The following MKLN1 variants were observed in gnomAD, a reference collection of about 807,000 sequenced individuals.
The protein encoded by MKLN1 is muskelin.
MKLN1 carries 18 observed loss-of-function variants against 99.0 expected under a neutral mutation model. The ratio of observed to expected loss-of-function variants is 0.18; its 90% confidence interval spans 0.13 to 0.27. MKLN1 has a LOEUF of 0.27. MKLN1 is among the 10% of genes least tolerant of loss of function. The pLI, the probability that MKLN1 is intolerant of heterozygous loss-of-function variation, is 1.00. For synonymous variants in MKLN1, 288 were observed against 293.2 expected, an observed-to-expected ratio of 0.98 and a Z score of 0.18; for missense variants, 621 against 875.9, an observed-to-expected ratio of 0.71 and a Z score of 3.67.
chr7:131,419,259 T>TTC (rs1795121314), intron 8 of MKLN1, among the ~76,000 whole-genome samples: 1 of 143,450 alleles, frequency 7.0e-6, no homozygotes, highest in Non-Finnish European at 1.5e-5. Context: ...TTTGTTTTTT[T>TTC]TTTTTTTTTG....
At position 131,494,630 on chromosome 7, in the gene MKLN1, C is replaced by G. The variant is rs1465683626; in HGVS notation, c.*6902C>G. The G allele has an allele frequency of 6.6e-6, 1 of 151,850 alleles. No homozygotes were observed. Among genetic ancestry groups the G allele is most frequent in the East Asian group, 1.9e-4 (1 of 5,176 alleles). The allele number at this position is 151,850 out of a possible 1,614,324, so 9.4% of individuals were successfully genotyped here. On this transcript the variant is annotated 3_prime_UTR_variant, in exon 18 of 18. Coordinates refer to ENST00000352689, the MANE Select transcript of MKLN1 (RefSeq NM_013255.5). ...AAAAAAAATTATTTTGGTGACTGATCAATTGTAAACAATTTTCTTCCTTAC... is the reference window on the plus strand; with the variant it reads ...AAAAAAAATTATTTTGGTGACTGATGAATTGTAAACAATTTTCTTCCTTAC...
rs1794864346 is a variant in MKLN1, at chr7:131,411,229, T to G, written c.704-77T>G. The G allele has an allele frequency of 3.4e-6, 3 of 870,598 alleles. No individual in the cohort carries two copies. The East Asian group carries it at 8.3e-5, about 24-fold the overall frequency. 53.9% of individuals were successfully genotyped at this position (870,598 alleles called of 1,614,324 possible). On this transcript the variant is annotated intron_variant, in intron 6 of 17. Transcript: ENST00000352689. Reference sequence around the variant, plus strand: ...AGTAATTTCTTTTAATGTAGCCTTTTAAATTTTAATTTTTTTCTATAATAA... The same window carrying G: ...AGTAATTTCTTTTAATGTAGCCTTTGAAATTTTAATTTTTTTCTATAATAA...
At chr7:131,371,820 TA>T (rs1241813311) in intron 1 of MKLN1, among the ~76,000 whole-genome samples, 1 of 151,622 alleles carries the variant, frequency 6.6e-6, no homozygotes, top group East Asian at 1.9e-4. Flanking sequence ...GTTAATCTCC[TA>T]TTTTTAGAAT....
Position 131,275,563 on chromosome 7 carries a change from ATATATTTTTTTTTTTT to A in MKLN1, c.-179+72591_-179+72606del, listed in dbSNP as rs1400377345. Among the ~76,000 whole-genome samples, 4 of 9,048 alleles carry A rather than the reference ATATATTTTTTTTTTTT, an allele frequency of 4.4e-4. No homozygotes were observed. In the East Asian group the frequency reaches 0.02, roughly 46 times the overall value. 5.9% of individuals were successfully genotyped at this position (9,048 alleles called of 152,430 possible). ...TATATATATATATATATATATATAT[ATATATTTTTTTTTTTT>A]TTTTTTTTTTTTTGGTACTTTTTTG... is the stretch of plus-strand genomic sequence containing the variant. On this transcript the variant is annotated intron_variant, in intron 3 of 7. Coordinates refer to the MKLN1 transcript ENST00000416992.
chr7:131,412,666 G>T (rs771559956), intron 7 of MKLN1, among the ~76,000 whole-genome samples: 1 of 152,124 alleles, frequency 6.6e-6, no homozygotes, highest in East Asian at 1.9e-4. Context: ...TTCATATAAG[G>T]GGGGAGGTTT....
At chr7:131,283,201 C>T (rs1288822710) in intron 3 of MKLN1, among the ~76,000 whole-genome samples, 1 of 152,182 alleles carries the variant, frequency 6.6e-6, no homozygotes, top group Non-Finnish European at 1.5e-5. Context: ...TGTCGATGGC[C>T]ATGACCCTCA....
intron 3 of MKLN1, among the ~76,000 whole-genome samples, chr7:131,295,408 A>G (rs1366456033): frequency 6.6e-6 from 1 of 152,236 alleles, no homozygotes; most frequent in Non-Finnish European, 1.5e-5. Context: ...TGGTAAGAAT[A>G]AAAATGACAA....
rs762357077 is a variant in MKLN1 at position 131,487,646 on chromosome 7, A to G, written c.2126A>G (p.Gln709Arg). 3 of 1,613,052 alleles carry G rather than the reference A, an allele frequency of 1.9e-6. No homozygotes were observed. The highest frequency in any genetic ancestry group is 1.1e-5 in the South Asian group (1 of 90,994). Reference sequence around the variant, plus strand: ...GATCACACCTATGCTCAAAGAACTCAGCTCTTTGACACCTTAGTAAATTTC... The same window carrying G: ...GATCACACCTATGCTCAAAGAACTCGGCTCTTTGACACCTTAGTAAATTTC... ...DVDHTYAQRT[Q>R]LFDTLVNFFP... Residue 709 changes from glutamine to arginine, a missense_variant, in exon 18 of 18, where the codon CAG becomes CGG. By Grantham distance (43) the Gln-to-Arg change is conservative. Around this residue, in one of 8 missense-constraint regions of MKLN1, gnomAD observed 126 missense variants for 157.4 expected, o/e 0.80. Transcript: ENST00000352689. This position sits in a 1 kb window ranked among gnomAD's most constrained non-coding sequence, Gnocchi z 4.7.
chr7:131,355,589 G>A (rs1257505353), intron 1 of MKLN1, among the ~76,000 whole-genome samples: 1 of 143,886 alleles, frequency 6.9e-6, no homozygotes, highest in Non-Finnish European at 1.5e-5. Context: ...ACTGCTTTTC[G>A]CTTTTATGTT....
intron 2 of MKLN1, among the ~76,000 whole-genome samples, chr7:131,194,722 G>C (rs952729622): frequency 6.6e-6 from 1 of 152,164 alleles, no homozygotes; most frequent in Non-Finnish European, 1.5e-5. Context: ...TTCAAATACT[G>C]AATGTGTTGC....
chr7:131,234,018 C>A (rs1183047976), intron 3 of MKLN1, among the ~76,000 whole-genome samples: 1 of 151,998 alleles, frequency 6.6e-6, no homozygotes, highest in African/African-American at 2.4e-5. Context: ...TTGCTCTTGT[C>A]CCCCAGGCTA....
At position 131,316,351 on chromosome 7, in the gene MKLN1, C is replaced by T. The variant is rs567361193; in HGVS notation, c.-178-59073C>T. Among the ~76,000 whole-genome samples, 12 of 152,282 alleles carry T rather than the reference C, an allele frequency of 7.9e-5. No individual in the cohort carries two copies. In the South Asian group the frequency reaches 1.2e-3, roughly 16 times the overall value. ...TGTTTAGCAAACTGCAGCAGACTTG[C>T]AGAAGAGGGGCCTGACTGTTAGAAG... On this transcript the variant is annotated intron_variant, in intron 3 of 7. Coordinates refer to the MKLN1 transcript ENST00000416992.
chr7:131,148,152 C>T (rs1273763642), intron 2 of MKLN1, among the ~76,000 whole-genome samples: 4 of 152,006 alleles, frequency 2.6e-5, no homozygotes, highest in Non-Finnish European at 5.9e-5. Context: ...GGGCTCAAGT[C>T]ATCCTCCCGC....
Position 131,287,400 on chromosome 7 carries a change from C to T in MKLN1, c.-179+84426C>T, listed in dbSNP as rs189605693. ...CTGGGGGAGAATCTTCTCCTTGCTT[C>T]TTCCAGCGTCTGGGGGCCCCAGGCC... On this transcript the variant is annotated intron_variant, in intron 3 of 7. Coordinates refer to the MKLN1 transcript ENST00000416992. 3.1e-3 allele frequency among the ~76,000 whole-genome samples: 467 copies of T among 152,348 alleles called. 3 individuals are homozygous for T. Among genetic ancestry groups the T allele is most frequent in the Middle Eastern group, 6.8e-3 (2 of 294 alleles).
intron 1 of MKLN1, among the ~76,000 whole-genome samples, chr7:131,341,393 G>A (rs570459457): frequency 2.6e-5 from 4 of 152,232 alleles, no homozygotes; most frequent in South Asian, 4.1e-4. Context: ...CTTTTGGTGT[G>A]TATAGATTTG....
chr7:131,183,936 A>G (rs1796411282), intron 2 of MKLN1, among the ~76,000 whole-genome samples: 1 of 151,342 alleles, frequency 6.6e-6, no homozygotes, highest in Non-Finnish European at 1.5e-5. Context: ...TGCATCCTCT[A>G]AACGATCAGT....
intron 2 of MKLN1, among the ~76,000 whole-genome samples, chr7:131,144,307 T>G (rs1341554670): frequency 1.3e-5 from 2 of 150,390 alleles, no homozygotes; most frequent in Non-Finnish European, 3.0e-5. Context: ...TGAAACCCCG[T>G]CTCTACTAAA....
In MKLN1 at chr7:131,411,322, G is replaced by A; in HGVS notation, c.720G>A (p.Gln240=). 6.2e-7 allele frequency: 1 copy of A among 1,608,300 alleles called. No individual in the cohort carries two copies. Among genetic ancestry groups the A allele is most frequent in the Non-Finnish European group, 8.5e-7 (1 of 1,174,942 alleles). The change falls in exon 7 of 18, where the codon CAG becomes CAA. Residue 240 remains glutamine (Q), a synonymous_variant. Transcript: ENST00000352689. ...TATTTGCAGATGGCTTGTTCAATCAGTATATCAGTCAACAGGAATATAAGC... is the reference window on the plus strand; with the variant it reads ...TATTTGCAGATGGCTTGTTCAATCAATATATCAGTCAACAGGAATATAAGC... The part of the protein sequence containing the change: ...EKAVNDGLFN[Q]YISQQEYKPR...
intron 1 of MKLN1, among the ~76,000 whole-genome samples, chr7:131,335,695 G>GTT (rs11291759): frequency 6.9e-6 from 1 of 144,256 alleles, no homozygotes; most frequent in South Asian, 2.2e-4. Context: ...TGACCTGTAG[G>GTT]TTTTTTTTTT....
Sources: allele counts gnomAD v4.1 joint callset (sites outside exome capture counted in the v4.1 genomes callset), GRCh38; gene constraint gnomAD v4.1.1; regional missense constraint gnomAD v4.1.1; non-coding constraint Gnocchi (gnomAD v3.1); transcripts MANE v1.5; gene names NCBI Gene and HGNC (gene_info 2026-07-23, HGNC 2026-07-21).